ATP2B2: variants seen among roughly 807,000 people sequenced by gnomAD.
ATP2B2 encodes plasma membrane calcium-transporting ATPase 2.
Under a neutral mutation model 120.0 loss-of-function variants are expected in ATP2B2, and 15 were observed. The observed-to-expected ratio is 0.12, with a 90% CI of 0.08 to 0.19. The LOEUF (loss-of-function observed/expected upper bound fraction) is 0.19. Ranked by LOEUF, ATP2B2 falls within the 10% of genes least tolerant of loss-of-function variation. The pLI, the probability that ATP2B2 is intolerant of heterozygous loss-of-function variation, is 1.00. For synonymous variants in ATP2B2, 694 were observed against 700.3 expected (o/e 0.99, Z 0.14); for missense variants, 1,045 against 1,719.8 (o/e 0.61, Z 6.94).
chr3:10,602,727 G>A (rs2068957406), intron 2 of ATP2B2, among the ~76,000 whole-genome samples: 1 of 152,202 alleles, frequency 6.6e-6, no homozygotes, highest in Non-Finnish European at 1.5e-5. Flanking sequence ...GGGTAATCGC[G>A]TGGGTTGTTT....
intron 1 of ATP2B2, among the ~76,000 whole-genome samples, chr3:10,658,534 A>C (rs2070697311): frequency 6.6e-6 from 1 of 152,220 alleles, no homozygotes; most frequent in Admixed American, 6.5e-5. Flanking sequence ...CAAGAAGAGA[A>C]GTTTAGAGAA....
intron 12 of ATP2B2, among the ~76,000 whole-genome samples, chr3:10,369,496 C>G (rs1364291988): frequency 1.3e-5 from 2 of 152,226 alleles, no homozygotes; most frequent in Non-Finnish European, 2.9e-5. Flanking sequence ...AGTTTTGCTG[C>G]TAATTGGCTG....
At chr3:10,591,763 C>T (rs58666253) in intron 2 of ATP2B2, among the ~76,000 whole-genome samples, 4,422 of 152,264 alleles carry the variant, frequency 0.029, 136 homozygotes, top group South Asian at 0.11. Context: ...CAAATTGGTC[C>T]GATCCCAGAC....
intron 22 of ATP2B2, chr3:10,331,872 C>T (rs2059990077): frequency 1.9e-6 from 2 of 1,071,578 alleles, no homozygotes; most frequent in African/African-American, 1.6e-5. Flanking sequence ...AACGCACAGG[C>T]CCTGGTCTGA....
intron 1 of ATP2B2, among the ~76,000 whole-genome samples, chr3:10,488,434 T>TATCC (rs1432169214): frequency 2.7e-5 from 4 of 147,634 alleles, no homozygotes; most frequent in Admixed American, 1.3e-4. Flanking sequence ...TTCACCCACC[T>TATCC]ATCCATCCAT....
At chr3:10,413,527 C>A (rs972091355) in intron 2 of ATP2B2, among the ~76,000 whole-genome samples, 16 of 152,170 alleles carry the variant, frequency 1.1e-4, no homozygotes, top group Non-Finnish European at 2.4e-4. Context: ...TGCTGTGGGG[C>A]AGCTCCTAGG....
At chr3:10,448,745 C>A (rs1019449168) in intron 2 of ATP2B2, among the ~76,000 whole-genome samples, 1 of 152,230 alleles carries the variant, frequency 6.6e-6, no homozygotes, top group Admixed American at 6.5e-5. Flanking sequence ...AGAGCCCCAG[C>A]GATCCCCAAC....
Position 10,428,404 on chromosome 3 carries a change from C to T in ATP2B2, c.200-17589G>A, listed in dbSNP as rs2063208886. ...TTCAGTGTTGGTTTGGAACTATTAC[C>T]CTCTCCTGCCTTGTATTTCATCCCC... On this transcript the variant is annotated intron_variant, in intron 2 of 22. Coordinates refer to ENST00000360273, the MANE Select transcript of ATP2B2 (RefSeq NM_001001331.4). Among the ~76,000 whole-genome samples, 12 of 152,122 alleles carry T rather than the reference C, an allele frequency of 7.9e-5. No homozygotes were observed. In the South Asian group the frequency reaches 2.5e-3, roughly 32 times the overall value.
chr3:10,592,467 T>C (rs1369816756), intron 2 of ATP2B2, among the ~76,000 whole-genome samples: 1 of 152,226 alleles, frequency 6.6e-6, no homozygotes, highest in East Asian at 1.9e-4. Flanking sequence ...GGTTTGTGCT[T>C]TTCTGTTGGA....
At position 10,434,918 on chromosome 3, in the gene ATP2B2, T is replaced by C. The variant is rs181960463; in HGVS notation, c.199+14427A>G. 1.3e-3 allele frequency among the ~76,000 whole-genome samples: 202 copies of C among 152,334 alleles called. 1 individual carries two copies. Among genetic ancestry groups the C allele is most frequent in the African/African-American group, 4.6e-3 (190 of 41,580 alleles). ...CCCCTCCCCTGGCCCCTCTTCCTCATATTTGGGCCTGAGCCCCAGTGTGGT... is the reference window on the plus strand; with the variant it reads ...CCCCTCCCCTGGCCCCTCTTCCTCACATTTGGGCCTGAGCCCCAGTGTGGT... On this transcript the variant is annotated intron_variant, in intron 2 of 22. Coordinates refer to ENST00000360273, the MANE Select transcript of ATP2B2 (RefSeq NM_001001331.4).
intron 1 of ATP2B2, among the ~76,000 whole-genome samples, chr3:10,501,439 C>T (rs1004801325): frequency 3.3e-5 from 5 of 149,954 alleles, no homozygotes; most frequent in African/African-American, 4.9e-5. Flanking sequence ...GGCACAATCA[C>T]GGCTCACTGC....
At chr3:10,348,319 C>A (rs1430426424) in intron 16 of ATP2B2, among the ~76,000 whole-genome samples, 2 of 152,110 alleles carry the variant, frequency 1.3e-5, no homozygotes, top group South Asian at 4.1e-4. Context: ...GGGCAGGTGA[C>A]AACTCTTAAG....
intron 3 of ATP2B2, among the ~76,000 whole-genome samples, chr3:10,406,016 T>C (rs889174237): frequency 7.2e-5 from 11 of 152,090 alleles, no homozygotes; most frequent in African/African-American, 2.7e-4. Flanking sequence ...ATGTACAAAA[T>C]GATGTTGGTA....
Position 10,553,642 on chromosome 3 carries a change from G to A in ATP2B2, c.-414-19509C>T, listed in dbSNP as rs114254891. Among the ~76,000 whole-genome samples the A allele has an allele frequency of 7.8e-3, 1,156 of 147,552 alleles. 12 individuals are homozygous for A. The highest frequency in any genetic ancestry group is 0.029 in the African/African-American group (1,078 of 37,526). On this transcript the variant is annotated intron_variant, in intron 2 of 21. Transcript: ENST00000646379. ...GAGGCCCTCAGAGGATTGCAGAGCT[G>A]GGGGGGAAACCCAGGACTCCCTGCC...
chr3:10,449,524 C>T lies in ATP2B2; in HGVS notation c.20G>A (p.Ser7Asn), dbSNP rs770275289. 6.2e-7 allele frequency: 1 copy of T among 1,614,266 alleles called. No homozygotes were observed. Among genetic ancestry groups the T allele is most frequent in the Non-Finnish European group, 8.5e-7 (1 of 1,180,054 alleles). Residue 7 changes from serine to asparagine, a missense_variant, in exon 2 of 23, where the codon AGC (serine) becomes AAC (asparagine). By Grantham distance (46) the Ser-to-Asn change is conservative. Around this residue, in one of 11 missense-constraint regions of ATP2B2, gnomAD observed 139 missense variants for 134.2 expected, o/e 1.04. Transcript: ENST00000360273. ...TCTTTGGTTTTTGGAGTAAAAGTCG[C>T]TGTTGGTCATGTCACCCATGTTTGC... MGDMTN[S>N]DFYSKNQRNE...
intron 2 of ATP2B2, among the ~76,000 whole-genome samples, chr3:10,618,969 G>C (rs1044931694): frequency 5.3e-5 from 8 of 152,146 alleles, no homozygotes; most frequent in East Asian, 1.9e-4. Flanking sequence ...TTGCAGGGAG[G>C]GGGTGTTGGG....
chr3:10,652,064 G>C (rs949656009), intron 1 of ATP2B2, among the ~76,000 whole-genome samples: 1 of 152,194 alleles, frequency 6.6e-6, no homozygotes, highest in Non-Finnish European at 1.5e-5. Flanking sequence ...TATGTATGGA[G>C]CCTGAGGCTT....
intron 2 of ATP2B2, among the ~76,000 whole-genome samples, chr3:10,541,678 T>C (rs1177372732): frequency 6.6e-6 from 1 of 152,188 alleles, no homozygotes; most frequent in African/African-American, 2.4e-5. Flanking sequence ...TGTTTTATGA[T>C]CCAGGATATG....
rs1355902190 is a variant in ATP2B2 at position 10,375,355 on chromosome 3, C to G, written c.1416+75G>C. On this transcript the variant is annotated intron_variant, in intron 11 of 22. Coordinates refer to ENST00000360273, the MANE Select transcript of ATP2B2 (RefSeq NM_001001331.4). This position sits in a 1 kb window ranked among gnomAD's most constrained non-coding sequence, Gnocchi z 4.2. ...CTTCGTTCATCTCCCAACCCCAGCA[C>G]CAGCCCCAGTGATTCCCCCAGGCCC... 1 of 1,343,582 alleles carries G rather than the reference C, an allele frequency of 7.4e-7. No individual in the cohort carries two copies. The highest frequency in any genetic ancestry group is 1.4e-5 in the African/African-American group (1 of 69,618). The allele number at this position is 1,343,582 out of a possible 1,614,324, so 83.2% of individuals were successfully genotyped here. A position where few individuals can be genotyped will look rare whatever the true frequency, so the allele number is the denominator to read the frequency against.
Sources: gnomAD v4.1 joint callset for allele counts (sites outside exome capture counted in the v4.1 genomes callset) on GRCh38, gnomAD v4.1.1 for gene constraint, gnomAD v4.1.1 regional missense constraint, Gnocchi (gnomAD v3.1) non-coding constraint, MANE v1.5 for transcripts, NCBI Gene and HGNC (gene_info 2026-07-23, HGNC 2026-07-21) for gene names.